The following TUBGCP5 variants were observed in gnomAD, a reference collection of about 807,000 sequenced individuals.
TUBGCP5 encodes tubulin gamma complex component 5, also known as gamma-tubulin complex component 5.
Under a neutral mutation model 134.7 loss-of-function variants are expected in TUBGCP5, and 98 were observed. That is an observed-to-expected ratio of 0.73 (90% CI 0.62 to 0.86). The LOEUF is 0.86. Among genes scored for constraint, TUBGCP5 ranks in the 40% least tolerant of loss-of-function variants. The probability of loss-of-function intolerance (pLI) is 0.00; values close to 1 mark genes in which losing one functional copy is unlikely to be tolerated. For missense variants in TUBGCP5, 1,150 were observed against 1,244.8 expected (o/e 0.92, Z 1.15); for synonymous variants, 456 against 431.4 (o/e 1.06, Z -0.71).
intron 12 of TUBGCP5, among the ~76,000 whole-genome samples, chr15:23,018,245 T>G (rs1274788921): frequency 6.6e-6 from 1 of 152,172 alleles, no homozygotes; most frequent in Non-Finnish European, 1.5e-5. Context: ...GTAAGTAAAA[T>G]TTAAGTAGAA....
chr15:23,037,158 A>G lies in TUBGCP5; in HGVS notation c.147-6T>C, dbSNP rs1321458800. 6.2e-7 allele frequency: 1 copy of G among 1,611,600 alleles called. No individual in the cohort carries two copies. The highest frequency in any genetic ancestry group is 8.5e-7 in the Non-Finnish European group (1 of 1,179,646). Reference sequence around the variant, plus strand: ...CATCCAAGAAACGATGAAATCTATTAAAGACAAAATGCAATTCTTATGCCA... The same window carrying G: ...CATCCAAGAAACGATGAAATCTATTGAAGACAAAATGCAATTCTTATGCCA... On this transcript the variant is annotated splice_region_variant and splice_polypyrimidine_tract_variant and intron_variant, in intron 1 of 22. Transcript: ENST00000615383.
chr15:23,007,986 T>C (rs2064824089), intron 16 of TUBGCP5, among the ~76,000 whole-genome samples: 1 of 152,074 alleles, frequency 6.6e-6, no homozygotes, highest in South Asian at 2.1e-4. Context: ...AAAAACCTCA[T>C]GTGTGGGAGC....
At chr15:23,003,044 C>G in intron 21 of TUBGCP5, 21 bp downstream of exon 21, 1 of 1,612,714 alleles carries the variant, frequency 6.2e-7, no homozygotes, top group South Asian at 1.1e-5. Context: ...AGTGCAGATG[C>G]TGCAGAAATC....
At chr15:23,021,161 G>C (rs898230915) in intron 11 of TUBGCP5, among the ~76,000 whole-genome samples, 8 of 152,120 alleles carry the variant, frequency 5.3e-5, no homozygotes, top group African/African-American at 1.9e-4. Context: ...TGTAGAGACA[G>C]GGTCTCAGTA....
intron 16 of TUBGCP5, among the ~76,000 whole-genome samples, chr15:23,008,114 G>C (rs1416852470): frequency 6.6e-6 from 1 of 152,120 alleles, no homozygotes; most frequent in East Asian, 1.9e-4. Context: ...TGTTGCCCAG[G>C]CTGGTTGCAA....
chr15:23,030,353 T>A (rs1404801770), intron 6 of TUBGCP5, among the ~76,000 whole-genome samples: 3 of 152,098 alleles, frequency 2.0e-5, no homozygotes, highest in African/African-American at 7.2e-5. Flanking sequence ...AGTGCACAGA[T>A]TAGAAAGTCC....
At chr15:23,004,943 GCTT>G (rs1253707026) in intron 19 of TUBGCP5, among the ~76,000 whole-genome samples, 25 of 152,276 alleles carry the variant, frequency 1.6e-4, no homozygotes, top group African/African-American at 6.0e-4. Context: ...ATTTCTGAAC[GCTT>G]CTTTTAGAAC....
intron 9 of TUBGCP5, 157 bp from the exon 10 acceptor site, chr15:23,024,350 A>T: frequency 1.3e-6 from 1 of 762,058 alleles, no homozygotes; most frequent in Non-Finnish European, 1.9e-6. Context: ...ATAATTTTAT[A>T]CACAAAGGAA....
rs925813127 is a variant in TUBGCP5, at chr15:23,011,565, C to T, written c.1757-234G>A. Among the ~76,000 whole-genome samples the T allele has an allele frequency of 3.3e-5, 5 of 149,360 alleles. No homozygotes were observed. In the South Asian group the frequency reaches 6.2e-4, roughly 19 times the overall value. On this transcript the variant is annotated intron_variant, in intron 13 of 22. Coordinates refer to ENST00000615383, the MANE Select transcript of TUBGCP5 (RefSeq NM_052903.6). ...TGTTGCCCAGGCTGGAGCGCAATGGCGCCATCTTGGCTCACTGCAACCTCC... is the reference window on the plus strand; with the variant it reads ...TGTTGCCCAGGCTGGAGCGCAATGGTGCCATCTTGGCTCACTGCAACCTCC...
chr15:23,032,843 A>T lies in TUBGCP5; in HGVS notation c.310-19T>A. 2 of 1,522,782 alleles carry T rather than the reference A, an allele frequency of 1.3e-6. No homozygotes were observed. The highest frequency in any genetic ancestry group is 1.8e-6 in the Non-Finnish European group (2 of 1,130,730). The allele number at this position is 1,522,782 out of a possible 1,614,324, so 94.3% of individuals were successfully genotyped here. ...CATCTGTCTTTAAAACAAAAAAAAGAACATAAATCTCTGAGGTTGGGAAAT... is the reference window on the plus strand; with the variant it reads ...CATCTGTCTTTAAAACAAAAAAAAGTACATAAATCTCTGAGGTTGGGAAAT... On this transcript the variant is annotated intron_variant, in intron 3 of 22. Transcript: ENST00000615383.
chr15:23,018,337 A>T (rs778334712), intron 12 of TUBGCP5, among the ~76,000 whole-genome samples: 2 of 152,230 alleles, frequency 1.3e-5, no homozygotes, highest in Non-Finnish European at 2.9e-5. Context: ...TCCATTTACC[A>T]TCTGCTGTGA....
chr15:23,023,859 C>G, intron 10 of TUBGCP5, 88 bp downstream of exon 10: 3 of 1,349,904 alleles, frequency 2.2e-6, no homozygotes, highest in Non-Finnish European at 3.0e-6. Flanking sequence ...TGCTAGGCAA[C>G]TTTCAAATCT....
chr15:23,006,001 A>T, intron 18 of TUBGCP5, 51 bp downstream of exon 18: 1 of 1,532,322 alleles, frequency 6.5e-7, no homozygotes, highest in Non-Finnish European at 8.7e-7. Flanking sequence ...TCTTTTATTA[A>T]GGGCTAAAAT....
downstream of TUBGCP5, among the ~76,000 whole-genome samples, chr15:22,997,668 G>C (rs2064154915): frequency 1.3e-5 from 2 of 151,594 alleles, no homozygotes; most frequent in Admixed American, 1.3e-4. Context: ...CCAGGCTGGA[G>C]TGCAGTGGCA....
chr15:23,000,178 A>AT, intron 22 of TUBGCP5: 1 of 901,970 alleles, frequency 1.1e-6, no homozygotes, highest in Non-Finnish European at 1.5e-6. Context: ...AAGGGCTGGG[A>AT]TTAGAGGCAT....
chr15:22,984,629 T>G (rs577423672), intron 23 of TUBGCP5, among the ~76,000 whole-genome samples: 93 of 148,944 alleles, frequency 6.2e-4, no homozygotes, highest in Non-Finnish European at 1.3e-3. Context: ...AAAAAAAAAA[T>G]AAAAGAAACT....
chr15:22,986,561 AC>A (rs2063687429), intron 23 of TUBGCP5, among the ~76,000 whole-genome samples: 1 of 151,792 alleles, frequency 6.6e-6, no homozygotes, highest in African/African-American at 2.4e-5. Flanking sequence ...ACATGGCGAA[AC>A]CCCATCTCTA....
rs569930248 is a variant in TUBGCP5, at chr15:23,001,289, C to T, written c.2928-620G>A. Among the ~76,000 whole-genome samples the T allele has an allele frequency of 1.9e-3, 286 of 151,206 alleles. 3 individuals are homozygous for T. Among genetic ancestry groups the T allele is most frequent in the Middle Eastern group, 3.5e-3 (1 of 282 alleles). On this transcript the variant is annotated intron_variant, in intron 21 of 22. Transcript: ENST00000615383. Reference sequence around the variant, plus strand: ...AACTCCTGACCTCAGCTGATCTGCCCCCACTGGCCTCCCAAAGTGCTGGGA... The same window carrying T: ...AACTCCTGACCTCAGCTGATCTGCCTCCACTGGCCTCCCAAAGTGCTGGGA...
chr15:23,024,174 A>G lies in TUBGCP5; in HGVS notation c.941T>C (p.Leu314Pro). The G allele has an allele frequency of 6.2e-7, 1 of 1,614,126 alleles. No homozygotes were observed. Among genetic ancestry groups the G allele is most frequent in the Non-Finnish European group, 8.5e-7 (1 of 1,179,978 alleles). ...CTGGCCATATGCTGCTATTTGTTCC[A>G]GCACAGATCGTAAACAGCTCTACAA... ...HLTHSCLRSVLEQIAAYGQVV... is the reference protein window; with the variant it reads ...HLTHSCLRSVPEQIAAYGQVV... Residue 314 changes from leucine to proline, a missense_variant, in exon 10 of 23, where the codon CTG (leucine) becomes CCG (proline). Around this residue, in one of 2 missense-constraint regions of TUBGCP5, gnomAD observed 453 missense variants for 394.7 expected, o/e 1.15. Coordinates refer to ENST00000615383, the MANE Select transcript of TUBGCP5 (RefSeq NM_052903.6).
Sources: allele counts gnomAD v4.1 joint callset (sites outside exome capture counted in the v4.1 genomes callset), GRCh38; gene constraint gnomAD v4.1.1; regional missense constraint gnomAD v4.1.1; transcripts MANE v1.5; gene names NCBI Gene and HGNC (gene_info 2026-07-23, HGNC 2026-07-21).